The following CD163L1 variants were observed in gnomAD, a reference collection of about 807,000 sequenced individuals.
CD163L1 encodes the protein CD163 molecule like 1, also known as scavenger receptor cysteine-rich type 1 protein M160.
CD163L1 carries 124 observed loss-of-function variants against 165.4 expected under a neutral mutation model. That is an observed-to-expected ratio of 0.75 (90% CI 0.65 to 0.87). The LOEUF (loss-of-function observed/expected upper bound fraction) is 0.87. CD163L1 is among the 40% of genes least tolerant of loss of function. CD163L1 has a pLI of 0.00. For missense variants in CD163L1, 1,525 were observed against 1,799.9 expected (o/e 0.85, Z 2.76); for synonymous variants, 585 against 662.2 (o/e 0.88, Z 1.79).
At chr12:7,399,810 G>T (rs1947881577) in intron 6 of CD163L1, among the ~76,000 whole-genome samples, 1 of 151,962 alleles carries the variant, frequency 6.6e-6, no homozygotes, top group African/African-American at 2.4e-5. Flanking sequence ...TCACCATGTT[G>T]CCCAGGCTGG....
intron 8 of CD163L1, among the ~76,000 whole-genome samples, chr12:7,384,262 T>G (rs187478399): frequency 6.6e-5 from 10 of 152,246 alleles, no homozygotes; most frequent in Admixed American, 2.0e-4. Flanking sequence ...AAGAAATTTT[T>G]TTTCAATTAA....
In CD163L1 at chr12:7,383,066, A is replaced by G. The variant is rs148948950; in HGVS notation, c.2051-3768T>C. Among the ~76,000 whole-genome samples the G allele has an allele frequency of 9.8e-5, 15 of 152,302 alleles. No homozygotes were observed. In the East Asian group the frequency reaches 2.5e-3, roughly 25 times the overall value. On this transcript the variant is annotated intron_variant, in intron 8 of 19. Transcript: ENST00000313599. Reference sequence around the variant, plus strand: ...AGCAACCCCACTTCCTCGCAGCAGCAGGGACACTGTGCACTTTCATGAGCC... The same window carrying G: ...AGCAACCCCACTTCCTCGCAGCAGCGGGGACACTGTGCACTTTCATGAGCC...
the CD163L1 span, among the ~76,000 whole-genome samples, chr12:7,338,555 A>T: frequency 6.6e-6 from 1 of 152,176 alleles, no homozygotes; most frequent in Non-Finnish European, 1.5e-5. Context: ...TGAGAAGTCT[A>T]GGGAAACAGG....
At position 7,396,075 on chromosome 12, in the gene CD163L1, C is replaced by A. The variant is rs200878353; in HGVS notation, c.2050+20G>T. ...ACCCAGGCAGTTTCTTTTAAGGAAG[C>A]CCTGGTTTGGGTATCTTACCAGAAC... On this transcript the variant is annotated intron_variant, in intron 8 of 19. Coordinates refer to ENST00000313599, the MANE Select transcript of CD163L1 (RefSeq NM_174941.6). 579 of 1,579,476 alleles carry A rather than the reference C, an allele frequency of 3.7e-4. 5 individuals carry two copies. The highest frequency in any genetic ancestry group is 1.5e-3 in the Middle Eastern group (9 of 5,898).
At position 7,432,837 on chromosome 12, in the gene CD163L1, T is replaced by C; in HGVS notation, c.446-101A>G. On this transcript the variant is annotated intron_variant, in intron 3 of 19. Transcript: ENST00000313599. The surrounding 1 kb of genome is among the most constrained non-coding windows in gnomAD (Gnocchi z 4.2). ...AAGACAGCCCTGTTATGAATGAAGT[T>C]ACCAAAAATTAAAAAAAAATAACTG... 1.0e-6 allele frequency: 1 copy of C among 966,370 alleles called. No homozygotes were observed. The highest frequency in any genetic ancestry group is 1.5e-6 in the Non-Finnish European group (1 of 681,096). The allele number at this position is 966,370 out of a possible 1,614,324, so 59.9% of individuals were successfully genotyped here.
At position 7,437,194 on chromosome 12, in the gene CD163L1, AAT is replaced by A. The variant is rs1264133292; in HGVS notation, c.125-3502_125-3501del. ...ATAGTATTACTTTTATTTTTATTTT[AAT>A]AGTATTACTTTTTTATTTTAATAGT... On this transcript the variant is annotated intron_variant, in intron 2 of 19. Coordinates refer to ENST00000313599, the MANE Select transcript of CD163L1 (RefSeq NM_174941.6). 3.8e-4 allele frequency among the ~76,000 whole-genome samples: 20 copies of A among 53,030 alleles called. 1 individual carries two copies. The highest frequency in any genetic ancestry group is 8.6e-4 in the African/African-American group (14 of 16,196). The allele number at this position is 53,030 out of a possible 152,430, so 34.8% of individuals were successfully genotyped here. A position where few individuals can be genotyped will look rare whatever the true frequency, so the allele number is the denominator to read the frequency against.
At chr12:7,325,033 C>T in the CD163L1 span, among the ~76,000 whole-genome samples, 2 of 152,290 alleles carry the variant, frequency 1.3e-5, no homozygotes, top group African/African-American at 4.8e-5. Flanking sequence ...AACCCTCCAC[C>T]CCTTCAGGGA....
intron 8 of CD163L1, 102 bp downstream of exon 8, chr12:7,395,993 G>C: frequency 1.2e-6 from 1 of 843,774 alleles, no homozygotes; most frequent in Non-Finnish European, 1.8e-6. Flanking sequence ...AAAAAAGTGA[G>C]CAATGAGCAC....
At chr12:7,337,119 G>A in the CD163L1 span, among the ~76,000 whole-genome samples, 1 of 152,104 alleles carries the variant, frequency 6.6e-6, no homozygotes, top group Non-Finnish European at 1.5e-5. Context: ...CTAGCCATAT[G>A]CAGAAACAAA....
At chr12:7,337,485 C>G in the CD163L1 span, among the ~76,000 whole-genome samples, 26 of 152,222 alleles carry the variant, frequency 1.7e-4, no homozygotes, top group East Asian at 3.1e-3. Context: ...GAAACACAAA[C>G]AATCCCATCA....
the CD163L1 span, chr12:7,323,304 A>G: frequency 4.3e-6 from 7 of 1,610,920 alleles, no homozygotes; most frequent in Middle Eastern, 3.3e-4. Flanking sequence ...ATGCTGCCCT[A>G]TGATGTCCAG....
chr12:7,360,205 C>T (rs1025086276), intron 18 of CD163L1, among the ~76,000 whole-genome samples: 3 of 151,778 alleles, frequency 2.0e-5, no homozygotes, highest in East Asian at 1.9e-4. Flanking sequence ...TGCAATGGTG[C>T]GATTTCGGCT....
Position 7,433,575 on chromosome 12 carries a change from A to T in CD163L1, c.244T>A (p.Ser82Thr). ...VCDDGWNTTA[S>T]TVVCKQLGCP... ...CCAAGCTGTTTGCACACGACAGTTG[A>T]GGCAGTAGTGTTCCACCCATCATCA... is the stretch of plus-strand genomic sequence containing the variant. The change falls in exon 3 of 20, where the codon TCA (serine) becomes ACA (threonine). Residue 82 changes from serine (S) to threonine (T), a missense_variant. Coordinates refer to ENST00000313599, the MANE Select transcript of CD163L1 (RefSeq NM_174941.6). 6.2e-7 allele frequency: 1 copy of T among 1,614,118 alleles called. No homozygotes were observed. The highest frequency in any genetic ancestry group is 8.5e-7 in the Non-Finnish European group (1 of 1,179,996).
chr12:7,341,066 A>G, the CD163L1 span, among the ~76,000 whole-genome samples: 1 of 152,196 alleles, frequency 6.6e-6, no homozygotes, highest in Admixed American at 6.5e-5. Context: ...CATATTTTTG[A>G]CATTTTCCTA....
the CD163L1 span, among the ~76,000 whole-genome samples, chr12:7,332,848 A>T: frequency 6.6e-6 from 1 of 152,208 alleles, no homozygotes; most frequent in African/African-American, 2.4e-5. Flanking sequence ...TGTAAAGACC[A>T]TTGATGCTAG....
chr12:7,338,035 A>T, the CD163L1 span, among the ~76,000 whole-genome samples: 36 of 152,310 alleles, frequency 2.4e-4, no homozygotes, highest in African/African-American at 8.4e-4. Flanking sequence ...TGAAGCTGGA[A>T]ACCCTCATTC....
intron 8 of CD163L1, among the ~76,000 whole-genome samples, chr12:7,383,921 T>C (rs1565786373): frequency 6.6e-6 from 1 of 152,128 alleles, no homozygotes; most frequent in African/African-American, 2.4e-5. Flanking sequence ...CAAGGAAACA[T>C]GACACCTTCA....
intron 18 of CD163L1, among the ~76,000 whole-genome samples, chr12:7,362,620 GTATAAA>G (rs1946927688): frequency 1.4e-5 from 2 of 141,764 alleles, no homozygotes; most frequent in Non-Finnish European, 3.1e-5. Flanking sequence ...TTATAATATA[GTATAAA>G]TATAAATATA....
At chr12:7,341,506 T>C in the CD163L1 span, among the ~76,000 whole-genome samples, 2 of 152,232 alleles carry the variant, frequency 1.3e-5, no homozygotes, top group Non-Finnish European at 2.9e-5. Flanking sequence ...AGTTACATAG[T>C]CCTGTCCTAA....
Sources: gnomAD v4.1 joint callset for allele counts (sites outside exome capture counted in the v4.1 genomes callset) on GRCh38, gnomAD v4.1.1 for gene constraint, Gnocchi (gnomAD v3.1) non-coding constraint, MANE v1.5 for transcripts, NCBI Gene and HGNC (gene_info 2026-07-23, HGNC 2026-07-21) for gene names.